The following NSMCE2 variants were observed in gnomAD, a reference collection of about 807,000 sequenced individuals.
The protein encoded by NSMCE2 is E3 SUMO-protein ligase NSE2.
In NSMCE2, 24 loss-of-function variants were observed where a neutral mutation model predicts 23.8. The observed-to-expected ratio is 1.01, with a 90% CI of 0.73 to 1.42. The LOEUF (loss-of-function observed/expected upper bound fraction) is 1.42. Among genes scored for constraint, NSMCE2 ranks in the 40% most tolerant of loss-of-function variants. The pLI is 0.00. For missense variants in NSMCE2, 284 were observed against 296.5 expected, an observed-to-expected ratio of 0.96 and a Z score of 0.31; for synonymous variants, 92 against 94.1, an observed-to-expected ratio of 0.98 and a Z score of 0.13.
intron 5 of NSMCE2, among the ~76,000 whole-genome samples, chr8:125,344,239 G>A (rs751541728): frequency 1.3e-4 from 20 of 151,884 alleles, no homozygotes; most frequent in Non-Finnish European, 2.5e-4. Flanking sequence ...CCTCATTGCC[G>A]TCAGTCCTAC....
chr8:125,300,125 C>T (rs981262325), intron 5 of NSMCE2, among the ~76,000 whole-genome samples: 3 of 150,708 alleles, frequency 2.0e-5, no homozygotes, highest in Admixed American at 6.6e-5. Context: ...GGACAATTTT[C>T]GGCTTTCTTG....
chr8:125,202,320 C>T (rs540968539), intron 5 of NSMCE2, among the ~76,000 whole-genome samples: 34 of 152,310 alleles, frequency 2.2e-4, no homozygotes, highest in African/African-American at 3.4e-4. Context: ...AGCTGCAGAC[C>T]GGAGCTGTTC....
At chr8:125,272,883 G>GTA (rs1207036206) in intron 5 of NSMCE2, among the ~76,000 whole-genome samples, 2 of 128,544 alleles carry the variant, frequency 1.6e-5, no homozygotes, top group Non-Finnish European at 3.4e-5. Context: ...ATACGTGTGT[G>GTA]TATATATATA....
chr8:125,169,043 G>A (rs1216441276), intron 4 of NSMCE2, among the ~76,000 whole-genome samples: 2 of 152,116 alleles, frequency 1.3e-5, no homozygotes, highest in East Asian at 1.9e-4. Flanking sequence ...AGAGAATATT[G>A]TTCAGTTGTT....
chr8:125,185,065 A>G (rs937331589), intron 5 of NSMCE2, among the ~76,000 whole-genome samples: 5 of 152,190 alleles, frequency 3.3e-5, no homozygotes, highest in African/African-American at 9.6e-5. Flanking sequence ...TTATATAAGA[A>G]CATAAATACA....
At chr8:125,340,559 A>G (rs543827662) in intron 5 of NSMCE2, among the ~76,000 whole-genome samples, 242 of 152,222 alleles carry the variant, frequency 1.6e-3, no homozygotes, top group African/African-American at 5.6e-3. Context: ...ATCTCCTTAG[A>G]TGCTGAATTA....
chr8:125,102,499 T>G lies in NSMCE2; in HGVS notation c.157+12T>G. 1 of 1,609,286 alleles carries G rather than the reference T, an allele frequency of 6.2e-7. No homozygotes were observed. ...TGTGGAAAGTCAGAGTAAGTAAAAT[T>G]AAAACCTCTTTTGTGTCTACTTTGA... On this transcript the variant is annotated intron_variant, in intron 3 of 7. Transcript: ENST00000287437.
chr8:125,333,046 C>T (rs929690490), intron 5 of NSMCE2, among the ~76,000 whole-genome samples: 5 of 152,140 alleles, frequency 3.3e-5, no homozygotes, highest in Non-Finnish European at 7.4e-5. Context: ...TGATTGTTGC[C>T]AGTGAGCTTC....
intron 5 of NSMCE2, among the ~76,000 whole-genome samples, chr8:125,196,825 A>G (rs1823647976): frequency 6.6e-6 from 1 of 152,190 alleles, no homozygotes; most frequent in Non-Finnish European, 1.5e-5. Context: ...TCAACAGTGT[A>G]AAAGCATTCC....
intron 4 of NSMCE2, among the ~76,000 whole-genome samples, chr8:125,169,440 G>C (rs963596126): frequency 6.6e-6 from 1 of 152,184 alleles, no homozygotes; most frequent in Non-Finnish European, 1.5e-5. Flanking sequence ...GTGTCCCACA[G>C]TGACGTTTTC....
At chr8:125,160,066 C>T (rs989730321) in intron 4 of NSMCE2, among the ~76,000 whole-genome samples, 4 of 151,892 alleles carry the variant, frequency 2.6e-5, no homozygotes, top group East Asian at 1.9e-4. Context: ...AAAATTTTAA[C>T]GGTGAAATAG....
At chr8:125,326,663 T>TA (rs1007078061) in intron 5 of NSMCE2, among the ~76,000 whole-genome samples, 8 of 152,224 alleles carry the variant, frequency 5.3e-5, no homozygotes, top group Admixed American at 2.0e-4. Flanking sequence ...GTTAAAAAGA[T>TA]AAAAAAGGCG....
chr8:125,202,343 CT>C (rs560488861), intron 5 of NSMCE2, among the ~76,000 whole-genome samples: 68 of 152,330 alleles, frequency 4.5e-4, no homozygotes, highest in Non-Finnish European at 8.2e-4. Context: ...ATTCAGCCAT[CT>C]TGGAACGGAC....
At chr8:125,176,047 G>A (rs1409545106) in intron 4 of NSMCE2, among the ~76,000 whole-genome samples, 1 of 152,200 alleles carries the variant, frequency 6.6e-6, no homozygotes, top group African/African-American at 2.4e-5. Context: ...AAATGTTGCA[G>A]TCACAGGGGT....
At chr8:125,134,743 TAA>T (rs1489909274) in intron 3 of NSMCE2, among the ~76,000 whole-genome samples, 46 of 148,466 alleles carry the variant, frequency 3.1e-4, no homozygotes, top group African/African-American at 1.0e-3. Flanking sequence ...TTTTTTTTTT[TAA>T]GAGTCGGGGT....
rs76449161 is a variant in NSMCE2, at chr8:125,154,684, T to G, written c.264+3407T>G. Among the ~76,000 whole-genome samples, 972 of 152,096 alleles carry G rather than the reference T, an allele frequency of 6.4e-3. 7 individuals carry two copies. Among genetic ancestry groups the G allele is most frequent in the African/African-American group, 0.022 (925 of 41,500 alleles). ...AAACTGCATTTAGATCCTCAGAGAG[T>G]TCTATATGAACTTTTTTGATATTTT... On this transcript the variant is annotated intron_variant, in intron 4 of 7. Transcript: ENST00000287437.
At chr8:125,092,430 TTA>T (rs1412989960) in intron 1 of NSMCE2, among the ~76,000 whole-genome samples, 1 of 152,224 alleles carries the variant, frequency 6.6e-6, no homozygotes. Context: ...AGGAATTGCT[TTA>T]TATGCAATAG....
At chr8:125,113,098 C>T (rs1359136540) in intron 3 of NSMCE2, among the ~76,000 whole-genome samples, 2 of 150,336 alleles carry the variant, frequency 1.3e-5, no homozygotes, top group African/African-American at 4.9e-5. Context: ...TATGAAAAAT[C>T]CAACTTTGAA....
intron 5 of NSMCE2, among the ~76,000 whole-genome samples, chr8:125,221,189 A>T (rs1824843987): frequency 1.3e-5 from 2 of 152,234 alleles, no homozygotes; most frequent in African/African-American, 2.4e-5. Flanking sequence ...TAAAGGGGAT[A>T]GTCTAAATGA....
Sources: allele counts gnomAD v4.1 joint callset (sites outside exome capture counted in the v4.1 genomes callset), GRCh38; gene constraint gnomAD v4.1.1; transcripts MANE v1.5; gene names NCBI Gene and HGNC (gene_info 2026-07-23, HGNC 2026-07-21).